The following SNX29 variants were observed in gnomAD, a reference collection of about 807,000 sequenced individuals.
SNX29 encodes the protein sorting nexin 29.
Under a neutral mutation model 102.1 loss-of-function variants are expected in SNX29, and 78 were observed. The ratio of observed to expected loss-of-function variants is 0.76; its 90% CI spans 0.64 to 0.92. The LOEUF (loss-of-function observed/expected upper bound fraction) is 0.92. Ranked by LOEUF, SNX29 falls within the 40% of genes least tolerant of loss-of-function variation. The pLI is 0.00. For missense variants in SNX29, 1,280 were observed against 1,061.7 expected (o/e 1.21, Z -2.86); for synonymous variants, 580 against 414.5 (o/e 1.40, Z -4.85).
At chr16:12,140,733 G>C (rs916691637) in intron 13 of SNX29, among the ~76,000 whole-genome samples, 2 of 152,168 alleles carry the variant, frequency 1.3e-5, no homozygotes, top group East Asian at 3.8e-4. Context: ...TCTCTGTGCT[G>C]TGTTCTCCAT....
chr16:12,535,582 C>T (rs2077052765), intron 20 of SNX29, among the ~76,000 whole-genome samples: 1 of 152,212 alleles, frequency 6.6e-6, no homozygotes, highest in South Asian at 2.1e-4. Flanking sequence ...GCTGGGTATG[C>T]ACGATTGGCA....
intron 20 of SNX29, chr16:12,546,333 T>C (rs896769170): frequency 6.6e-6 from 1 of 152,292 alleles, no homozygotes; most frequent in Non-Finnish European, 1.5e-5. Context: ...AAAGAAGGTT[T>C]AATGGACTCA....
rs1236342730 is a variant in SNX29, at chr16:12,530,397, A to G, written c.2318+5556A>G. Among the ~76,000 whole-genome samples the G allele has an allele frequency of 2.0e-5, 3 of 152,266 alleles. No homozygotes were observed. In the South Asian group the frequency reaches 6.2e-4, roughly 32 times the overall value. On this transcript the variant is annotated intron_variant, in intron 20 of 20. Coordinates refer to ENST00000566228, the MANE Select transcript of SNX29 (RefSeq NM_032167.5). ...TAGTGTGGAAAAACCCTAAAACACT[A>G]CAGAAAGAAGATGAGGAAGTAAACA...
chr16:12,037,535 C>T lies in SNX29; in HGVS notation c.248-5362C>T, dbSNP rs186227141. Among the ~76,000 whole-genome samples, 720 of 152,194 alleles carry T rather than the reference C, an allele frequency of 4.7e-3. 2 individuals are homozygous for T. Among genetic ancestry groups the T allele is most frequent in the Non-Finnish European group, 8.2e-3 (559 of 68,016 alleles). On this transcript the variant is annotated intron_variant, in intron 4 of 20. Coordinates refer to ENST00000566228, the MANE Select transcript of SNX29 (RefSeq NM_032167.5). The stretch of plus-strand genomic sequence containing the variant: ...ACGAAAGTTGCATATGCCATGGTTC[C>T]GGCCAGTTAATTGCCTGCCCTGGGT...
chr16:12,571,634 C>T lies in SNX29; in HGVS notation c.*3005C>T, dbSNP rs2079189742. 2 of 1,059,302 alleles carry T rather than the reference C, an allele frequency of 1.9e-6. No homozygotes were observed. The highest frequency in any genetic ancestry group is 4.2e-4 in the Middle Eastern group (1 of 2,388). 65.6% of individuals were successfully genotyped at this position (1,059,302 alleles called of 1,614,324 possible). A position where few individuals can be genotyped will look rare whatever the true frequency, so the allele number is the denominator to read the frequency against. On this transcript the variant is annotated 3_prime_UTR_variant, in exon 21 of 21. Coordinates refer to ENST00000566228, the MANE Select transcript of SNX29 (RefSeq NM_032167.5). ...CCATCTTTCACATCTTTTTTTCTCCCCCAGATGAAAGACGACTCAGGAACG... is the reference window on the plus strand; with the variant it reads ...CCATCTTTCACATCTTTTTTTCTCCTCCAGATGAAAGACGACTCAGGAACG...
chr16:12,373,809 C>T (rs1177105262), intron 16 of SNX29: 2 of 152,234 alleles, frequency 1.3e-5, no homozygotes, highest in African/African-American at 4.8e-5. Flanking sequence ...GCCCCACAAA[C>T]CACCAAGGGA....
At chr16:12,159,360 A>G (rs1289818172) in intron 13 of SNX29, among the ~76,000 whole-genome samples, 7 of 152,252 alleles carry the variant, frequency 4.6e-5, no homozygotes. Flanking sequence ...CCCAGTAACT[A>G]GCAATCCCAG....
chr16:12,452,684 A>G (rs2086359048), intron 18 of SNX29, among the ~76,000 whole-genome samples: 1 of 152,078 alleles, frequency 6.6e-6, no homozygotes. Context: ...GGGAAGAGGT[A>G]GCTTGCATCT....
chr16:12,324,775 C>T (rs2151189348), intron 15 of SNX29, among the ~76,000 whole-genome samples: 1 of 152,172 alleles, frequency 6.6e-6, no homozygotes, highest in East Asian at 1.9e-4. Flanking sequence ...GACAAACGGG[C>T]CTCCTGACCC....
In SNX29 at chr16:12,182,021, C is replaced by T. The variant is rs145813792; in HGVS notation, c.1596-17580C>T. Among the ~76,000 whole-genome samples, 633 of 151,942 alleles carry T rather than the reference C, an allele frequency of 4.2e-3. 6 individuals are homozygous for T. The highest frequency in any genetic ancestry group is 0.015 in the African/African-American group (604 of 41,426). ...GCCTCACTGTTCTAAGTAGCTAGGA[C>T]TACAGGCATGCGCCACCACGCCTGG... On this transcript the variant is annotated intron_variant, in intron 13 of 20. Coordinates refer to ENST00000566228, the MANE Select transcript of SNX29 (RefSeq NM_032167.5).
At chr16:12,137,701 T>TA (rs1029279264) in intron 13 of SNX29, among the ~76,000 whole-genome samples, 5 of 152,200 alleles carry the variant, frequency 3.3e-5, no homozygotes, top group Admixed American at 6.5e-5. Context: ...ATGTCCTTTG[T>TA]AAAAAAGGAC....
At chr16:12,106,464 C>G (rs963373931) in intron 11 of SNX29, among the ~76,000 whole-genome samples, 8 of 151,932 alleles carry the variant, frequency 5.3e-5, no homozygotes, top group Admixed American at 2.6e-4. Flanking sequence ...TCGGCCCCCT[C>G]CTTTTCTGCT....
chr16:12,566,853 C>T (rs532032500), intron 20 of SNX29, among the ~76,000 whole-genome samples: 68 of 152,348 alleles, frequency 4.5e-4, no homozygotes, highest in Non-Finnish European at 7.6e-4. Flanking sequence ...GTTTCTTTTT[C>T]ATCCATGCAC....
At chr16:12,082,890 C>T (rs1216030514) in intron 11 of SNX29, among the ~76,000 whole-genome samples, 1 of 152,144 alleles carries the variant, frequency 6.6e-6, no homozygotes, top group East Asian at 1.9e-4. Context: ...TCCCACCCTG[C>T]CATCACCTCC....
intron 14 of SNX29, 76 bp from the exon 15 acceptor site, chr16:12,277,857 A>T (rs2079303633): frequency 2.3e-6 from 3 of 1,331,378 alleles, no homozygotes; most frequent in South Asian, 2.5e-5. Flanking sequence ...AGAAAGAAGA[A>T]TTTTTTCTTT....
chr16:12,454,597 C>T (rs567472421), intron 18 of SNX29, among the ~76,000 whole-genome samples: 4 of 152,208 alleles, frequency 2.6e-5, no homozygotes, highest in Non-Finnish European at 4.4e-5. Context: ...GAAAATAACC[C>T]GAAGAGAGAG....
At chr16:12,470,259 G>A (rs7192608) in intron 18 of SNX29, among the ~76,000 whole-genome samples, 23,370 of 152,204 alleles carry the variant, frequency 0.15, 2,348 homozygotes, top group African/African-American at 0.29. Flanking sequence ...GAGGCATTTG[G>A]TCTATGCTGC....
At chr16:12,362,562 AC>A (rs796459458) in intron 16 of SNX29, among the ~76,000 whole-genome samples, 239 of 19,984 alleles carry the variant, frequency 0.012, 6 homozygotes, top group East Asian at 0.047. Context: ...CTCCCCCCCC[AC>A]CCCCCCCCCC....
chr16:12,555,515 G>C (rs969210400), intron 20 of SNX29, among the ~76,000 whole-genome samples: 19 of 151,402 alleles, frequency 1.3e-4, no homozygotes, highest in African/African-American at 4.4e-4. Flanking sequence ...GGATTGACTG[G>C]ACAGCGCCCC....
Sources: allele counts gnomAD v4.1 joint callset (sites outside exome capture counted in the v4.1 genomes callset), GRCh38; gene constraint gnomAD v4.1.1; transcripts MANE v1.5; gene names NCBI Gene and HGNC (gene_info 2026-07-23, HGNC 2026-07-21).